The following STK32A variants were observed in gnomAD, a reference collection of about 807,000 sequenced individuals.
The protein encoded by STK32A is serine/threonine-protein kinase 32A.
A neutral mutation model predicts 53.2 loss-of-function variants in STK32A; 41 were observed. The ratio of observed to expected loss-of-function variants is 0.77; its 90% CI spans 0.60 to 1.00. The LOEUF is 1.00. STK32A is among the 50% of genes least tolerant of loss of function. The pLI, the probability that STK32A is intolerant of heterozygous loss-of-function variation, is 0.00. For synonymous variants in STK32A, 166 were observed against 162.8 expected, an observed-to-expected ratio of 1.02 and a Z score of -0.15; for missense variants, 458 against 485.8, an observed-to-expected ratio of 0.94 and a Z score of 0.54.
intron 2 of STK32A, among the ~76,000 whole-genome samples, chr5:147,247,074 C>A (rs1033884293): frequency 6.6e-6 from 1 of 152,206 alleles, no homozygotes; most frequent in Non-Finnish European, 1.5e-5. Context: ...CAACTTGCAA[C>A]TACCTAGGTT....
chr5:147,370,557 A>G, intron 8 of STK32A, 97 bp from the exon 9 acceptor site: 1 of 713,572 alleles, frequency 1.4e-6, no homozygotes, highest in Non-Finnish European at 2.4e-6. Flanking sequence ...TGATATAGAT[A>G]TTTTATCGGT....
the STK32A span, chr5:147,401,825 C>T: frequency 1.8e-6 from 2 of 1,081,864 alleles, no homozygotes; most frequent in Admixed American, 6.8e-5. Flanking sequence ...GGGTTCAAGT[C>T]CATGTTCCCA....
At chr5:147,318,128 T>C (rs1754101497) in intron 4 of STK32A, among the ~76,000 whole-genome samples, 1 of 152,204 alleles carries the variant, frequency 6.6e-6, no homozygotes. Context: ...TTTTTAAATA[T>C]ATCCTTTTTA....
chr5:147,324,696 T>C (rs1754493371), intron 5 of STK32A, among the ~76,000 whole-genome samples: 1 of 152,242 alleles, frequency 6.6e-6, no homozygotes, highest in Non-Finnish European at 1.5e-5. Context: ...GTATCTCATT[T>C]GATCTCTGAA....
intron 9 of STK32A, 66 bp downstream of exon 9, chr5:147,370,836 A>G (rs908363133): frequency 3.9e-6 from 4 of 1,026,172 alleles, no homozygotes; most frequent in Admixed American, 3.5e-5. Context: ...GCTTAAGTTT[A>G]GAAGTTAGTA....
At chr5:147,280,807 G>A (rs762096373) in intron 4 of STK32A, among the ~76,000 whole-genome samples, 3 of 152,108 alleles carry the variant, frequency 2.0e-5, no homozygotes, top group African/African-American at 7.2e-5. Flanking sequence ...CTCTGGAAAA[G>A]CACCACCTCC....
At chr5:147,279,482 C>T (rs1328018922) in intron 4 of STK32A, 84 bp downstream of exon 4, 4 of 1,273,820 alleles carry the variant, frequency 3.1e-6, no homozygotes, top group Non-Finnish European at 4.3e-6. Context: ...TCTGGGACCT[C>T]AGCCCTGGCT....
At chr5:147,370,206 G>A (rs889973200) in intron 8 of STK32A, among the ~76,000 whole-genome samples, 8 of 152,160 alleles carry the variant, frequency 5.3e-5, no homozygotes, top group Middle Eastern at 6.8e-3. Context: ...TCCTCATTAT[G>A]TTGCAGTGAA....
intron 4 of STK32A, among the ~76,000 whole-genome samples, chr5:147,295,296 AT>A (rs1297003781): frequency 6.6e-6 from 1 of 152,164 alleles, no homozygotes; most frequent in Non-Finnish European, 1.5e-5. Flanking sequence ...CTTCTATCTC[AT>A]TTACATTCAT....
At chr5:147,381,380 C>T (rs1034116152) in intron 11 of STK32A, among the ~76,000 whole-genome samples, 3 of 152,152 alleles carry the variant, frequency 2.0e-5, no homozygotes, top group Non-Finnish European at 2.9e-5. Context: ...TGGTGGCTCA[C>T]ACCTGTAATC....
intron 6 of STK32A, chr5:147,343,362 C>T: frequency 2.2e-6 from 1 of 448,358 alleles, no homozygotes; most frequent in South Asian, 2.0e-5. Flanking sequence ...ACGCAATCAC[C>T]TATTTTTTAT....
At chr5:147,250,852 G>A (rs1358675601) in intron 2 of STK32A, among the ~76,000 whole-genome samples, 1 of 150,784 alleles carries the variant, frequency 6.6e-6, no homozygotes, top group Non-Finnish European at 1.5e-5. Flanking sequence ...TGAGGCAGGA[G>A]AATGGCGTGA....
chr5:147,330,694 C>T (rs1382268708), intron 5 of STK32A, among the ~76,000 whole-genome samples: 2 of 152,170 alleles, frequency 1.3e-5, no homozygotes, highest in Non-Finnish European at 2.9e-5. Flanking sequence ...GGATGATTTC[C>T]TCTCTGCCCT....
chr5:147,333,766 T>A (rs540265613), intron 5 of STK32A, among the ~76,000 whole-genome samples: 1 of 152,162 alleles, frequency 6.6e-6, no homozygotes, highest in Non-Finnish European at 1.5e-5. Flanking sequence ...TACTCCAGGA[T>A]ACATCATCAC....
At chr5:147,325,680 C>A (rs539315622) in intron 5 of STK32A, among the ~76,000 whole-genome samples, 1 of 152,066 alleles carries the variant, frequency 6.6e-6, no homozygotes, top group South Asian at 2.1e-4. Flanking sequence ...CAGTTAATTA[C>A]GTAGGATCTC....
chr5:147,309,893 C>T (rs891964302), intron 4 of STK32A, among the ~76,000 whole-genome samples: 3 of 152,126 alleles, frequency 2.0e-5, no homozygotes, highest in Non-Finnish European at 4.4e-5. Flanking sequence ...AGACCCTCAG[C>T]ATTAACATAT....
intron 5 of STK32A, among the ~76,000 whole-genome samples, chr5:147,341,238 T>C (rs1276634861): frequency 6.6e-6 from 1 of 152,248 alleles, no homozygotes; most frequent in Admixed American, 6.5e-5. Context: ...TGGATGCAGA[T>C]CTGAAAGAGG....
the STK32A span, among the ~76,000 whole-genome samples, chr5:147,399,772 T>C: frequency 6.6e-5 from 10 of 152,230 alleles, no homozygotes; most frequent in Non-Finnish European, 1.3e-4. Context: ...ATGTGTCATG[T>C]TGGTAATTTA....
chr5:147,352,988 T>C (rs1463643775), intron 7 of STK32A, among the ~76,000 whole-genome samples: 1 of 152,102 alleles, frequency 6.6e-6, no homozygotes, highest in African/African-American at 2.4e-5. Context: ...GCTCAACATA[T>C]CAGAATCACT....
Sources: allele counts gnomAD v4.1 joint callset (sites outside exome capture counted in the v4.1 genomes callset), GRCh38; gene constraint gnomAD v4.1.1; transcripts MANE v1.5; gene names NCBI Gene and HGNC (gene_info 2026-07-23, HGNC 2026-07-21).